DAB2IP: variants seen among roughly 807,000 people sequenced by gnomAD.
DAB2IP encodes disabled homolog 2-interacting protein.
Under a neutral mutation model 107.2 loss-of-function variants are expected in DAB2IP, and 28 were observed. That is an observed-to-expected ratio of 0.26 (90% confidence interval 0.19 to 0.36). The LOEUF is 0.36. Ranked by LOEUF, DAB2IP falls within the 10% of genes least tolerant of loss-of-function variation. The probability of loss-of-function intolerance (pLI) is 1.00; values close to 1 mark genes in which losing one functional copy is unlikely to be tolerated. For missense variants in DAB2IP, 1,400 were observed against 1,644.7 expected, an observed-to-expected ratio of 0.85 and a Z score of 2.57; for synonymous variants, 755 against 706.4, an observed-to-expected ratio of 1.07 and a Z score of -1.09.
chr9:121,762,432 C>A (rs926248845), intron 6 of DAB2IP, among the ~76,000 whole-genome samples: 1 of 152,150 alleles, frequency 6.6e-6, no homozygotes, highest in African/African-American at 2.4e-5. Flanking sequence ...CCCTGGAGGT[C>A]GCCTGCTGGT....
At chr9:121,697,892 G>A (rs902172678) in intron 2 of DAB2IP, among the ~76,000 whole-genome samples, 9 of 152,172 alleles carry the variant, frequency 5.9e-5, no homozygotes, top group African/African-American at 1.7e-4. Context: ...AGCCAGGCCC[G>A]GAAGCTGGGT....
intron 1 of DAB2IP, among the ~76,000 whole-genome samples, chr9:121,581,999 T>C (rs911220473): frequency 1.3e-5 from 2 of 151,994 alleles, no homozygotes; most frequent in Admixed American, 6.6e-5. Flanking sequence ...ACAAAAGAGC[T>C]TGTGTTTGGG....
chr9:121,598,027 T>C (rs1487422969), intron 1 of DAB2IP, among the ~76,000 whole-genome samples: 1 of 152,196 alleles, frequency 6.6e-6, no homozygotes, highest in Non-Finnish European at 1.5e-5. Context: ...TTATGGGACA[T>C]CGTCTGCGGC....
chr9:121,634,383 T>C lies in DAB2IP; in HGVS notation c.41-44295T>C, dbSNP rs1241342580. ...CATTTCACAAGCCTTTGTTTTTTTC[T>C]GAATCTGCTCAAAGTCCTTCAACCC... On this transcript the variant is annotated intron_variant, in intron 1 of 16. Coordinates refer to the DAB2IP transcript ENST00000259371. This position sits in a 1 kb window ranked among gnomAD's most constrained non-coding sequence, Gnocchi z 4.7. 1.3e-5 allele frequency among the ~76,000 whole-genome samples: 2 copies of C among 152,220 alleles called. No homozygotes were observed. The highest frequency in any genetic ancestry group is 2.9e-5 in the Non-Finnish European group (2 of 68,042).
intron 1 of DAB2IP, among the ~76,000 whole-genome samples, chr9:121,654,760 G>A (rs1832906640): frequency 6.6e-6 from 1 of 152,212 alleles, no homozygotes; most frequent in African/African-American, 2.4e-5. Context: ...TGGTCCCATG[G>A]TGTGGTAGCA....
At chr9:121,673,113 T>C (rs1833748773) in intron 1 of DAB2IP, among the ~76,000 whole-genome samples, 1 of 152,142 alleles carries the variant, frequency 6.6e-6, no homozygotes, top group African/African-American at 2.4e-5. Flanking sequence ...CTGCTCTTAC[T>C]CCCTGACTCA....
intron 1 of DAB2IP, among the ~76,000 whole-genome samples, chr9:121,614,238 C>T (rs1191029178): frequency 1.3e-5 from 2 of 152,028 alleles, no homozygotes; most frequent in Admixed American, 6.6e-5. Flanking sequence ...CCCAAAGACC[C>T]TTCCCATCCT....
At chr9:121,771,560 G>A (rs1834737022) in intron 11 of DAB2IP, among the ~76,000 whole-genome samples, 1 of 152,140 alleles carries the variant, frequency 6.6e-6, no homozygotes, top group Non-Finnish European at 1.5e-5. Context: ...TTCAGTGAGT[G>A]TGCCAAGTGA....
chr9:121,658,071 T>C (rs187097165), intron 1 of DAB2IP, among the ~76,000 whole-genome samples: 2 of 152,312 alleles, frequency 1.3e-5, no homozygotes, highest in East Asian at 1.9e-4. Flanking sequence ...CTGAAGTGCC[T>C]GGGCTCCTGG....
intron 1 of DAB2IP, among the ~76,000 whole-genome samples, chr9:121,644,301 AGAAAG>A (rs1398350371): frequency 1.3e-5 from 2 of 152,094 alleles, no homozygotes; most frequent in South Asian, 2.1e-4. Context: ...AAGAAAGAAA[AGAAAG>A]GAAAGAAAGG....
At chr9:121,608,825 A>G in intron 1 of DAB2IP, among the ~76,000 whole-genome samples, 1 of 152,242 alleles carries the variant, frequency 6.6e-6, no homozygotes, top group South Asian at 2.1e-4. Flanking sequence ...GGAACCTTGC[A>G]TCGTGCTAGG....
At chr9:121,585,552 G>T (rs1830293837) in intron 1 of DAB2IP, among the ~76,000 whole-genome samples, 1 of 152,154 alleles carries the variant, frequency 6.6e-6, no homozygotes, top group Admixed American at 6.5e-5. Context: ...TGGTAGAAAT[G>T]GAATAAAAGA....
chr9:121,648,925 C>G (rs1270355198), upstream of DAB2IP, among the ~76,000 whole-genome samples: 1 of 152,056 alleles, frequency 6.6e-6, no homozygotes, highest in African/African-American at 2.4e-5. Context: ...AGAGAGAAAG[C>G]CACAGGGGCG....
At chr9:121,781,990 G>A (rs1835691628) in intron 15 of DAB2IP, among the ~76,000 whole-genome samples, 1 of 152,212 alleles carries the variant, frequency 6.6e-6, no homozygotes, top group Admixed American at 6.5e-5. Flanking sequence ...TCACCCAGGA[G>A]TAGGCTGGGC....
intron 2 of DAB2IP, among the ~76,000 whole-genome samples, chr9:121,696,563 C>T (rs927537412): frequency 4.6e-5 from 7 of 152,114 alleles, no homozygotes; most frequent in Non-Finnish European, 7.3e-5. Flanking sequence ...AGAGGACGCC[C>T]TTGGCCCTCC....
chr9:121,729,114 T>C (rs1409689861), intron 3 of DAB2IP, among the ~76,000 whole-genome samples: 1 of 152,170 alleles, frequency 6.6e-6, no homozygotes, highest in Non-Finnish European at 1.5e-5. Context: ...GCTCATTTAA[T>C]CTTCACAACA....
chr9:121,683,179 C>G (rs1435531959), intron 2 of DAB2IP, among the ~76,000 whole-genome samples: 7 of 152,160 alleles, frequency 4.6e-5, no homozygotes, highest in Non-Finnish European at 8.8e-5. Context: ...TGTGCCCACC[C>G]AGCTTCCCCA....
chr9:121,741,097 T>TC (rs1832307544), intron 3 of DAB2IP, among the ~76,000 whole-genome samples: 1 of 152,088 alleles, frequency 6.6e-6, no homozygotes, highest in Admixed American at 6.6e-5. Context: ...TCCTTCTGCC[T>TC]CCCACCCACC....
At chr9:121,707,703 A>G (rs559214172) in intron 3 of DAB2IP, among the ~76,000 whole-genome samples, 26 of 152,336 alleles carry the variant, frequency 1.7e-4, no homozygotes, top group African/African-American at 2.9e-4. Context: ...CCTGTGCCCA[A>G]TGACTAAGGG....
Sources: allele counts gnomAD v4.1 joint callset (sites outside exome capture counted in the v4.1 genomes callset), GRCh38; gene constraint gnomAD v4.1.1; non-coding constraint Gnocchi (gnomAD v3.1); transcripts MANE v1.5; gene names NCBI Gene and HGNC (gene_info 2026-07-23, HGNC 2026-07-21).